ORC5: variants seen among roughly 807,000 people sequenced by gnomAD.
The protein encoded by ORC5 is protein phosphatase 1, regulatory subunit 117.
ORC5 carries 39 observed loss-of-function variants against 58.8 expected under a neutral mutation model. The ratio of observed to expected loss-of-function variants is 0.66; its 90% CI spans 0.51 to 0.87. The LOEUF is 0.87. ORC5 is among the 40% of genes least tolerant of loss of function. The pLI is 0.00. For synonymous variants in ORC5, 218 were observed against 177.6 expected (o/e 1.23, Z -1.81); for missense variants, 493 against 506.3 (o/e 0.97, Z 0.25).
In ORC5 at chr7:104,166,975, T is replaced by C. The variant is rs1251308028; in HGVS notation, c.878-91A>G. The C allele has an allele frequency of 4.3e-6, 3 of 702,742 alleles. No individual in the cohort carries two copies. The East Asian group carries it at 7.5e-5, about 18-fold the overall frequency. The allele number at this position is 702,742 out of a possible 1,614,324, so 43.5% of individuals were successfully genotyped here. A position where few individuals can be genotyped will look rare whatever the true frequency, so the allele number is the denominator to read the frequency against. ...CACTTGACTTTTCATTTCCATATGG[T>C]ATTCTCTAGTCAAAATGACCTATTT... On this transcript the variant is annotated intron_variant, in intron 9 of 13. Coordinates refer to ENST00000297431, the MANE Select transcript of ORC5 (RefSeq NM_002553.4).
intron 8 of ORC5, among the ~76,000 whole-genome samples, chr7:104,168,969 C>G (rs1029651620): frequency 2.0e-5 from 3 of 152,154 alleles, no homozygotes; most frequent in Non-Finnish European, 2.9e-5. Flanking sequence ...ATACTCCCAG[C>G]TACTTGGGTG....
At chr7:104,141,697 G>T (rs1467558814) in intron 12 of ORC5, among the ~76,000 whole-genome samples, 1 of 151,748 alleles carries the variant, frequency 6.6e-6, no homozygotes, top group East Asian at 1.9e-4. Context: ...ATCAAAAAAC[G>T]AAATTTAAAA....
At chr7:104,154,058 A>T (rs1397759757) in intron 12 of ORC5, among the ~76,000 whole-genome samples, 2 of 152,118 alleles carry the variant, frequency 1.3e-5, no homozygotes, top group African/African-American at 2.4e-5. Context: ...AATGTATATT[A>T]AAAAAGGACA....
rs1279374816 is a variant in ORC5, at chr7:104,136,039, T to C, written c.1262+742A>G. Among the ~76,000 whole-genome samples, 1 of 152,206 alleles carries C rather than the reference T, an allele frequency of 6.6e-6. No individual in the cohort carries two copies. The highest frequency in any genetic ancestry group is 2.4e-5 in the African/African-American group (1 of 41,456). On this transcript the variant is annotated intron_variant, in intron 13 of 13. Transcript: ENST00000297431. This position sits in a 1 kb window ranked among gnomAD's most constrained non-coding sequence, Gnocchi z 4.2. ...TTCCATAACACTAAGAACACCTCTTTGTAAGGAAACTTGTATTTTTAGACA... is the reference window on the plus strand; with the variant it reads ...TTCCATAACACTAAGAACACCTCTTCGTAAGGAAACTTGTATTTTTAGACA...
intron 8 of ORC5, among the ~76,000 whole-genome samples, chr7:104,171,995 C>T (rs1198099400): frequency 2.0e-5 from 3 of 152,208 alleles, no homozygotes; most frequent in Non-Finnish European, 2.9e-5. Flanking sequence ...ATTTGTATTT[C>T]ACCACTACTA....
intron 11 of ORC5, among the ~76,000 whole-genome samples, chr7:104,161,527 T>A (rs1036813591): frequency 2.6e-5 from 4 of 152,066 alleles, no homozygotes; most frequent in Non-Finnish European, 4.4e-5. Flanking sequence ...CACACCGCAA[T>A]GTTTGGGTAT....
chr7:104,165,995 C>T (rs1799100346), intron 10 of ORC5, among the ~76,000 whole-genome samples: 1 of 151,978 alleles, frequency 6.6e-6, no homozygotes, highest in Admixed American at 6.6e-5. Flanking sequence ...GATCACACCA[C>T]TGCACTCTGG....
At chr7:104,171,837 A>G (rs1799216830) in intron 8 of ORC5, among the ~76,000 whole-genome samples, 1 of 152,140 alleles carries the variant, frequency 6.6e-6, no homozygotes, top group African/African-American at 2.4e-5. Flanking sequence ...CCTGGACGAG[A>G]CAATGGGACC....
intron 3 of ORC5, among the ~76,000 whole-genome samples, chr7:104,199,356 A>G (rs541942048): frequency 6.6e-5 from 10 of 152,358 alleles, no homozygotes; most frequent in African/African-American, 2.4e-4. Flanking sequence ...GAGCTGCACA[A>G]GGCCATGGGA....
At chr7:104,203,004 CAG>C (rs1491360393) in intron 2 of ORC5, among the ~76,000 whole-genome samples, 16 of 152,100 alleles carry the variant, frequency 1.1e-4, no homozygotes, top group East Asian at 1.9e-4. Context: ...GGTTGCAAAA[CAG>C]GGGGGCATCT....
At chr7:104,148,938 G>T (rs905341468) in intron 12 of ORC5, among the ~76,000 whole-genome samples, 6 of 151,886 alleles carry the variant, frequency 4.0e-5, no homozygotes, top group African/African-American at 1.5e-4. Flanking sequence ...GGAGGCTGAG[G>T]CAGGAGAATC....
In ORC5 at chr7:104,136,847, T is replaced by G. The variant is rs147720748; in HGVS notation, c.1196A>C (p.Asp399Ala). Residue 399 changes from aspartate (D) to alanine (A), a missense_variant, in exon 13 of 14, where the codon GAC becomes GCC. Asp to Ala is a moderately radical substitution (Grantham distance 126, BLOSUM62 -2). Around this residue, in one of 3 missense-constraint regions of ORC5, gnomAD observed 77 missense variants for 86.1 expected, o/e 0.89. Transcript: ENST00000297431. The surrounding 1 kb of genome is among the most constrained non-coding windows in gnomAD (Gnocchi z 4.2). ...GTATTTTGGTCCATCAAGCTGATCG[T>G]CATGGCCAACCAGGGTTAACAGCTG... The part of the protein sequence containing the change: ...TLQLLTLVGH[D>A]DQLDGPKYKC... 78 of 1,614,080 alleles carry G rather than the reference T, an allele frequency of 4.8e-5. 1 individual carries two copies. In the African/African-American group the frequency reaches 9.7e-4, roughly 20 times the overall value.
Position 104,136,934 on chromosome 7 carries a change from T to A in ORC5, c.1150-41A>T, listed in dbSNP as rs1295292998. The A allele has an allele frequency of 7.5e-7, 1 of 1,340,220 alleles. No homozygotes were observed. The highest frequency in any genetic ancestry group is 2.3e-5 in the East Asian group (1 of 43,204). The allele number at this position is 1,340,220 out of a possible 1,614,324, so 83.0% of individuals were successfully genotyped here. ...TTTATAAGAAACTGTTTTAATAAGA[T>A]TATGTAATACTTTTGTTTCTGAAAC... On this transcript the variant is annotated intron_variant, in intron 12 of 13. Coordinates refer to ENST00000297431, the MANE Select transcript of ORC5 (RefSeq NM_002553.4). This position sits in a 1 kb window ranked among gnomAD's most constrained non-coding sequence, Gnocchi z 4.2.
intron 2 of ORC5, 132 bp from the exon 3 acceptor site, chr7:104,201,090 G>A (rs1277852785): frequency 3.0e-5 from 20 of 673,914 alleles, no homozygotes; most frequent in Non-Finnish European, 1.0e-5. Flanking sequence ...CCAAGAGCCT[G>A]ACAGCTACAG....
rs1298259149 is a variant in ORC5, at chr7:104,133,205, C to A, written c.1262+3576G>T. ...AATTTTTATAAAATCATTCTGGCTA[C>A]AGCATGGATAATAAATTATAAGAGG... On this transcript the variant is annotated intron_variant, in intron 13 of 13. Transcript: ENST00000297431. This position sits in a 1 kb window ranked among gnomAD's most constrained non-coding sequence, Gnocchi z 4.7. Among the ~76,000 whole-genome samples, 9 of 152,064 alleles carry A rather than the reference C, an allele frequency of 5.9e-5. No homozygotes were observed. Among genetic ancestry groups the A allele is most frequent in the African/African-American group, 1.7e-4 (7 of 41,440 alleles).
At chr7:104,172,908 T>C (rs1430479476) in intron 8 of ORC5, among the ~76,000 whole-genome samples, 1 of 152,012 alleles carries the variant, frequency 6.6e-6, no homozygotes, top group East Asian at 1.9e-4. Flanking sequence ...TAAAATCAAA[T>C]TTTCATTATA....
At chr7:104,203,865 A>C (rs1408918419) in intron 2 of ORC5, among the ~76,000 whole-genome samples, 1 of 152,248 alleles carries the variant, frequency 6.6e-6, no homozygotes, top group Non-Finnish European at 1.5e-5. Context: ...GGCTAGGATT[A>C]AAGGTAGATG....
At chr7:104,132,552 T>C (rs1798529159) in intron 13 of ORC5, among the ~76,000 whole-genome samples, 1 of 152,156 alleles carries the variant, frequency 6.6e-6, no homozygotes, top group South Asian at 2.1e-4. Flanking sequence ...AGCTCCCTTC[T>C]TGCTGTCCCC....
intron 4 of ORC5, among the ~76,000 whole-genome samples, chr7:104,196,486 T>C (rs994455715): frequency 4.6e-5 from 7 of 152,132 alleles, no homozygotes; most frequent in Non-Finnish European, 1.0e-4. Flanking sequence ...AGGCCACCAA[T>C]AGCTACACTT....
Sources: gnomAD v4.1 joint callset for allele counts (sites outside exome capture counted in the v4.1 genomes callset) on GRCh38, gnomAD v4.1.1 for gene constraint, gnomAD v4.1.1 regional missense constraint, Gnocchi (gnomAD v3.1) non-coding constraint, MANE v1.5 for transcripts, NCBI Gene and HGNC (gene_info 2026-07-23, HGNC 2026-07-21) for gene names.